AGBL4: variants seen among roughly 807,000 people sequenced by gnomAD.
AGBL4 encodes AGBL carboxypeptidase 4.
Under a neutral mutation model 66.4 loss-of-function variants are expected in AGBL4, and 58 were observed. The observed-to-expected ratio is 0.87, with a 90% CI of 0.71 to 1.09. The LOEUF is 1.09. AGBL4 is among the 50% of genes least tolerant of loss of function. AGBL4 has a pLI of 0.00. For synonymous variants in AGBL4, 234 were observed against 222.9 expected (o/e 1.05, Z -0.44); for missense variants, 579 against 631.0 (o/e 0.92, Z 0.88).
chr1:49,197,125 G>A (rs1252204604), intron 4 of AGBL4, among the ~76,000 whole-genome samples: 5 of 152,182 alleles, frequency 3.3e-5, no homozygotes, highest in Non-Finnish European at 2.9e-5. Flanking sequence ...CACTGTGCCT[G>A]GCCCGATGTA....
intron 5 of AGBL4, among the ~76,000 whole-genome samples, chr1:48,887,265 G>C (rs1189878254): frequency 6.6e-6 from 1 of 152,092 alleles, no homozygotes; most frequent in African/African-American, 2.4e-5. Flanking sequence ...ATACTCTAGA[G>C]TTTTCTATGC....
chr1:50,001,659 T>C (rs1660767896), intron 1 of AGBL4, among the ~76,000 whole-genome samples: 1 of 152,022 alleles, frequency 6.6e-6, no homozygotes, highest in Admixed American at 6.6e-5. Context: ...ACGGGGACTG[T>C]CATACCAAAC....
chr1:49,289,359 T>A (rs1644491171), intron 3 of AGBL4, among the ~76,000 whole-genome samples: 2 of 152,152 alleles, frequency 1.3e-5, no homozygotes, highest in Admixed American at 1.3e-4. Context: ...TTCATGATTG[T>A]CAGAAACAAA....
At chr1:49,029,165 T>G (rs1663995315) in intron 5 of AGBL4, among the ~76,000 whole-genome samples, 1 of 152,122 alleles carries the variant, frequency 6.6e-6, no homozygotes, top group Admixed American at 6.6e-5. Context: ...GGCAAAGAAG[T>G]CTGCTCTTGC....
intron 11 of AGBL4, among the ~76,000 whole-genome samples, chr1:48,567,207 A>G (rs1287779981): frequency 6.6e-6 from 1 of 152,190 alleles, no homozygotes; most frequent in Non-Finnish European, 1.5e-5. Flanking sequence ...CTGACTGTGT[A>G]TGTCAGAGCA....
chr1:49,933,445 C>T (rs1450741283), intron 1 of AGBL4, among the ~76,000 whole-genome samples: 1 of 151,704 alleles, frequency 6.6e-6, no homozygotes, highest in African/African-American at 2.4e-5. Flanking sequence ...AACAGCAACA[C>T]AAAAGCATAT....
intron 3 of AGBL4, among the ~76,000 whole-genome samples, chr1:49,577,695 T>C (rs150776091): frequency 9.8e-4 from 149 of 152,292 alleles, no homozygotes; most frequent in Non-Finnish European, 1.8e-3. Context: ...ACTTTACCGC[T>C]AAAGAAGAGT....
At position 49,846,068 on chromosome 1, in the gene AGBL4, A is replaced by G. The variant is rs1045417262; in HGVS notation, c.157+5328T>C. The G allele has an allele frequency of 1.9e-5, 30 of 1,578,260 alleles. 1 individual carries two copies. The highest frequency in any genetic ancestry group is 3.3e-4 in the Middle Eastern group (2 of 5,998). Reference sequence around the variant, plus strand: ...CCTCATTCAGCATCAGAGGATCCACACAGGAGAGAAACCCTATGAATGTAA... The same window carrying G: ...CCTCATTCAGCATCAGAGGATCCACGCAGGAGAGAAACCCTATGAATGTAA... On this transcript the variant is annotated intron_variant, in intron 2 of 13. Coordinates refer to ENST00000371839, the MANE Select transcript of AGBL4 (RefSeq NM_032785.4).
intron 9 of AGBL4, among the ~76,000 whole-genome samples, chr1:48,624,731 G>A (rs966530359): frequency 6.6e-6 from 1 of 152,224 alleles, no homozygotes; most frequent in African/African-American, 2.4e-5. Flanking sequence ...GTTCACTGTG[G>A]AACAAAGTAT....
intron 4 of AGBL4, among the ~76,000 whole-genome samples, chr1:49,193,394 G>GTTTCCA (rs1465881809): frequency 6.6e-6 from 1 of 150,936 alleles, no homozygotes; most frequent in African/African-American, 2.4e-5. Flanking sequence ...AGTATATTGT[G>GTTTCCA]TTTCCATATT....
rs749596191 is a variant in AGBL4, at chr1:48,539,683, G to A, written c.1323C>T (p.Asn441=). Residue 441 remains asparagine (N), a synonymous_variant, in exon 12 of 14, where the codon AAC becomes AAT. Coordinates refer to ENST00000371839, the MANE Select transcript of AGBL4 (RefSeq NM_032785.4). ...ARTFLDYYRL[N]PVVEKVAIPM... is the part of the protein sequence containing the mutation. ...GAATTGCCACCTTTTCAACCACGGGGTTCAGCCGATAATAGTCCAAAAAGG... is the reference window on the plus strand; with the variant it reads ...GAATTGCCACCTTTTCAACCACGGGATTCAGCCGATAATAGTCCAAAAAGG... 4 of 1,543,038 alleles carry A rather than the reference G, an allele frequency of 2.6e-6. No individual in the cohort carries two copies. In the African/African-American group the frequency reaches 5.5e-5, roughly 21 times the overall value.
intron 3 of AGBL4, among the ~76,000 whole-genome samples, chr1:49,578,936 C>A (rs1467485198): frequency 3.3e-5 from 5 of 152,118 alleles, no homozygotes; most frequent in African/African-American, 1.2e-4. Context: ...ACATTTGAGT[C>A]AGAGGGTTGG....
intron 4 of AGBL4, among the ~76,000 whole-genome samples, chr1:49,096,089 T>C (rs1266019575): frequency 6.6e-6 from 1 of 151,398 alleles, no homozygotes; most frequent in Non-Finnish European, 1.5e-5. Context: ...CATGAAAAAA[T>C]GCTCATCATC....
At chr1:49,845,582 A>C (rs1646119307) in intron 2 of AGBL4, 16 of 1,604,918 alleles carry the variant, frequency 1.0e-5, no homozygotes, top group Non-Finnish European at 1.4e-5. Context: ...AAGCCCTACG[A>C]GTGCCATGAG....
intron 9 of AGBL4, among the ~76,000 whole-genome samples, chr1:48,605,514 C>G (rs1482220669): frequency 1.3e-5 from 2 of 152,194 alleles, no homozygotes; most frequent in African/African-American, 4.8e-5. Context: ...ACGCCATGTC[C>G]TTCTTCACGT....
intron 3 of AGBL4, among the ~76,000 whole-genome samples, chr1:49,630,929 AG>A (rs1446927207): frequency 2.0e-5 from 3 of 152,174 alleles, no homozygotes; most frequent in Non-Finnish European, 4.4e-5. Flanking sequence ...GAGGGACAAG[AG>A]GTGAGAGTAG....
At chr1:49,741,749 C>A (rs371214183) in intron 2 of AGBL4, among the ~76,000 whole-genome samples, 5 of 152,094 alleles carry the variant, frequency 3.3e-5, no homozygotes, top group African/African-American at 7.2e-5. Context: ...ATTCAACATA[C>A]GAAAATCAAT....
At chr1:49,795,715 A>G (rs139745283) in intron 2 of AGBL4, among the ~76,000 whole-genome samples, 1 of 151,894 alleles carries the variant, frequency 6.6e-6, no homozygotes, top group Non-Finnish European at 1.5e-5. Flanking sequence ...TAAAGAGATA[A>G]ATTTTTCAAT....
At chr1:49,833,560 T>C (rs1292602755) in intron 2 of AGBL4, among the ~76,000 whole-genome samples, 9 of 151,440 alleles carry the variant, frequency 5.9e-5, no homozygotes, top group South Asian at 2.1e-4. Flanking sequence ...GGGGATGGCA[T>C]TGAATCTGTA....
Sources: allele counts gnomAD v4.1 joint callset (sites outside exome capture counted in the v4.1 genomes callset), GRCh38; gene constraint gnomAD v4.1.1; transcripts MANE v1.5; gene names NCBI Gene and HGNC (gene_info 2026-07-23, HGNC 2026-07-21).